Variants in SHLD1 observed in about 807,000 individuals in gnomAD.
SHLD1 encodes the protein RINN1-REV7-interacting novel NHEJ regulator 3.
In SHLD1, 3 loss-of-function variants were observed where a neutral mutation model predicts 5.5. That is an observed-to-expected ratio of 0.54 (90% confidence interval 0.25 to 1.40). The LOEUF (loss-of-function observed/expected upper bound fraction) is 1.40. Among genes scored for constraint, SHLD1 ranks in the 40% most tolerant of loss-of-function variants. SHLD1 has a pLI of 0.15. For synonymous variants in SHLD1, 92 were observed against 94.3 expected, an observed-to-expected ratio of 0.98 and a Z score of 0.14; for missense variants, 210 against 244.4, an observed-to-expected ratio of 0.86 and a Z score of 0.94.
At chr20:5,761,472 C>T (rs1347349834) in intron 1 of SHLD1, among the ~76,000 whole-genome samples, 1 of 150,426 alleles carries the variant, frequency 6.6e-6, no homozygotes, top group African/African-American at 2.4e-5. Context: ...GGATGGGAAA[C>T]AGAGGAGCAA....
At chr20:5,811,414 C>T (rs1311944001) in intron 2 of SHLD1, among the ~76,000 whole-genome samples, 1 of 152,124 alleles carries the variant, frequency 6.6e-6, no homozygotes, top group East Asian at 1.9e-4. Flanking sequence ...AGACACAAAC[C>T]TCAGGAGTTT....
chr20:5,798,102 G>C (rs2087237461), intron 2 of SHLD1, among the ~76,000 whole-genome samples: 1 of 152,160 alleles, frequency 6.6e-6, no homozygotes, highest in African/African-American at 2.4e-5. Context: ...GAATGGTCTG[G>C]AATGTTCAAG....
At chr20:5,833,450 T>G (rs1181047355) in intron 2 of SHLD1, among the ~76,000 whole-genome samples, 1 of 152,192 alleles carries the variant, frequency 6.6e-6, no homozygotes, top group Admixed American at 6.5e-5. Flanking sequence ...TCCTGACCTT[T>G]AAAAGACCTT....
At chr20:5,788,248 A>G (rs1266437784) in intron 2 of SHLD1, among the ~76,000 whole-genome samples, 1 of 152,146 alleles carries the variant, frequency 6.6e-6, no homozygotes, top group Admixed American at 6.6e-5. Context: ...AATTGTAAAA[A>G]ACAAAAAAAC....
In SHLD1 at chr20:5,751,732, C is replaced by T. The variant is rs183937206; in HGVS notation, c.-5+1253C>T. Among the ~76,000 whole-genome samples the T allele has an allele frequency of 8.9e-4, 136 of 152,278 alleles. 1 individual carries two copies. Among genetic ancestry groups the T allele is most frequent in the South Asian group, 1.4e-3 (7 of 4,830 alleles). On this transcript the variant is annotated intron_variant, in intron 1 of 2. Coordinates refer to ENST00000303142, the MANE Select transcript of SHLD1 (RefSeq NM_152504.4). ...ATTCTGAGCCAGTATGATTGACCAT[C>T]GCCCAGAGAGAAAACACAAACCCAA...
intron 2 of SHLD1, among the ~76,000 whole-genome samples, chr20:5,848,565 G>A (rs1458701514): frequency 1.3e-5 from 2 of 152,200 alleles, no homozygotes; most frequent in East Asian, 1.9e-4. Context: ...GAAACAGTCA[G>A]CTTTAAGTGT....
At chr20:5,838,126 A>G (rs979963359) in intron 2 of SHLD1, among the ~76,000 whole-genome samples, 2 of 152,238 alleles carry the variant, frequency 1.3e-5, no homozygotes, top group Non-Finnish European at 2.9e-5. Flanking sequence ...ATATGAGCAT[A>G]TTTAGAGAAT....
intron 2 of SHLD1, among the ~76,000 whole-genome samples, chr20:5,818,421 G>A (rs1047419045): frequency 1.3e-5 from 2 of 152,154 alleles, no homozygotes; most frequent in Non-Finnish European, 2.9e-5. Context: ...GGCAAATTTG[G>A]TATAGTTAAC....
At chr20:5,778,106 C>G (rs1985513929) in intron 2 of SHLD1, among the ~76,000 whole-genome samples, 1 of 145,724 alleles carries the variant, frequency 6.9e-6, no homozygotes, top group Non-Finnish European at 1.5e-5. Flanking sequence ...GCAGGAGGAT[C>G]CCTTTTTCTT....
intron 1 of SHLD1, among the ~76,000 whole-genome samples, chr20:5,760,575 C>T (rs1984401391): frequency 6.6e-6 from 1 of 151,962 alleles, no homozygotes; most frequent in African/African-American, 2.4e-5. Context: ...CACCTGTAGT[C>T]CTGGCTATCC....
chr20:5,838,591 T>G (rs1974332843), intron 2 of SHLD1, among the ~76,000 whole-genome samples: 1 of 152,144 alleles, frequency 6.6e-6, no homozygotes, highest in Admixed American at 6.5e-5. Flanking sequence ...CAAAACCCCA[T>G]CTCTACTAAA....
At chr20:5,832,086 G>A (rs979439505) in intron 2 of SHLD1, among the ~76,000 whole-genome samples, 8 of 152,158 alleles carry the variant, frequency 5.3e-5, no homozygotes, top group African/African-American at 1.2e-4. Flanking sequence ...GATTACAAGC[G>A]CGCACCACTG....
chr20:5,756,124 G>A (rs548652056), intron 1 of SHLD1, among the ~76,000 whole-genome samples: 1 of 152,002 alleles, frequency 6.6e-6, no homozygotes, highest in South Asian at 2.1e-4. Context: ...AGTATAAGGA[G>A]GCATCTCTGA....
Position 5,764,139 on chromosome 20 carries a change from A to AAAAAT in SHLD1, c.-4-8722_-4-8721insAAATA, listed in dbSNP as rs1555768309. Among the ~76,000 whole-genome samples the AAAAAT allele has an allele frequency of 2.3e-3, 220 of 95,702 alleles. 3 individuals carry two copies. Among genetic ancestry groups the AAAAAT allele is most frequent in the African/African-American group, 9.9e-3 (207 of 20,952 alleles). 62.8% of individuals were successfully genotyped at this position (95,702 alleles called of 152,430 possible). A position where few individuals can be genotyped will look rare whatever the true frequency, so the allele number is the denominator to read the frequency against. On this transcript the variant is annotated intron_variant, in intron 1 of 2. Coordinates refer to ENST00000303142, the MANE Select transcript of SHLD1 (RefSeq NM_152504.4). ...AAGGCTCTGTCTCAAAAAAAAAAAA[A>AAAAAT]ATATATATATATTTATATTTATATA...
intron 2 of SHLD1, among the ~76,000 whole-genome samples, chr20:5,813,791 A>G (rs1459461814): frequency 6.6e-6 from 1 of 152,142 alleles, no homozygotes; most frequent in Admixed American, 6.5e-5. Context: ...GAGAAAATGC[A>G]AATATTGGAA....
chr20:5,761,360 C>T (rs1029646495), intron 1 of SHLD1, among the ~76,000 whole-genome samples: 6 of 150,726 alleles, frequency 4.0e-5, no homozygotes, highest in Admixed American at 6.6e-5. Flanking sequence ...CACCATGGCA[C>T]ATGTATACCT....
chr20:5,861,610 A>G (rs1433496844), intron 2 of SHLD1, among the ~76,000 whole-genome samples: 2 of 152,232 alleles, frequency 1.3e-5, no homozygotes, highest in African/African-American at 4.8e-5. Flanking sequence ...TTACATTACC[A>G]TAGACATTCT....
At chr20:5,823,002 G>A (rs1217144738) in intron 2 of SHLD1, among the ~76,000 whole-genome samples, 1 of 39,410 alleles carries the variant, frequency 2.5e-5, no homozygotes, top group Admixed American at 2.5e-4. Flanking sequence ...CCCCCACCCC[G>A]CCCCCACCCC....
intron 2 of SHLD1, among the ~76,000 whole-genome samples, chr20:5,836,710 C>T (rs2087793569): frequency 7.9e-6 from 1 of 125,830 alleles, no homozygotes; most frequent in Non-Finnish European, 1.6e-5. Context: ...GTGGGAGGAT[C>T]CCTCTCTGGA....
Sources: gnomAD v4.1 joint callset for allele counts (sites outside exome capture counted in the v4.1 genomes callset) on GRCh38, gnomAD v4.1.1 for gene constraint, MANE v1.5 for transcripts, NCBI Gene and HGNC (gene_info 2026-07-23, HGNC 2026-07-21) for gene names.